Variants in LGALS3 observed in about 807,000 individuals in gnomAD.
LGALS3 encodes galectin 3, also known as galectin-3.
Under a neutral mutation model 20.7 loss-of-function variants are expected in LGALS3, and 18 were observed. The observed-to-expected ratio is 0.87, with a 90% confidence interval of 0.60 to 1.29. LGALS3 has a LOEUF of 1.29. Among genes scored for constraint, LGALS3 ranks in the 50% most tolerant of loss-of-function variants. The pLI, the probability that LGALS3 is intolerant of heterozygous loss-of-function variation, is 0.00. For synonymous variants in LGALS3, 112 were observed against 119.6 expected (o/e 0.94, Z 0.42); for missense variants, 315 against 314.7 (o/e 1.00, Z -0.01).
intron 3 of LGALS3, among the ~76,000 whole-genome samples, chr14:55,139,012 G>A (rs1451635124): frequency 1.3e-5 from 2 of 152,186 alleles, no homozygotes; most frequent in Non-Finnish European, 2.9e-5. Flanking sequence ...TATGAGGAAA[G>A]AGCTAAGTAC....
At position 55,137,771 on chromosome 14, in the gene LGALS3, C is replaced by T. The variant is rs1242689990; in HGVS notation, c.19-274C>T. 39 of 1,310,260 alleles carry T rather than the reference C, an allele frequency of 3.0e-5. No individual in the cohort carries two copies. In the East Asian group the frequency reaches 8.1e-4, roughly 27 times the overall value. 81.2% of individuals were successfully genotyped at this position (1,310,260 alleles called of 1,614,324 possible). ...AAAGTATGTGCTATAAGTAGAGGAG[C>T]GCTAACTCCTGACTTGAGCTAATTA... On this transcript the variant is annotated intron_variant, in intron 2 of 5. Coordinates refer to ENST00000254301, the MANE Select transcript of LGALS3 (RefSeq NM_002306.4).
intron 4 of LGALS3, among the ~76,000 whole-genome samples, chr14:55,141,846 GAAT>G (rs1420797306): frequency 7.9e-5 from 12 of 152,194 alleles, no homozygotes; most frequent in Admixed American, 2.6e-4. Context: ...ATTAAAATAC[GAAT>G]ACCTACTGAT....
intron 5 of LGALS3, 139 bp from the exon 6 acceptor site, chr14:55,144,977 T>G: frequency 1.5e-6 from 1 of 673,042 alleles, no homozygotes; most frequent in South Asian, 1.9e-5. Flanking sequence ...TTGAAATTAA[T>G]GGACATTTTT....
intron 1 of LGALS3, among the ~76,000 whole-genome samples, chr14:55,132,217 T>C (rs1277389550): frequency 6.6e-6 from 1 of 152,212 alleles, no homozygotes; most frequent in Non-Finnish European, 1.5e-5. Flanking sequence ...TTCCTTATTC[T>C]GAAGCTACAC....
In LGALS3 at chr14:55,145,305, T is replaced by A; in HGVS notation, c.*34T>A. ...GGGCAGATTAAAAAAAAAAAAAGAATCTAAACCTTACATGTGTAAAGGTTT... is the reference window on the plus strand; with the variant it reads ...GGGCAGATTAAAAAAAAAAAAAGAAACTAAACCTTACATGTGTAAAGGTTT... On this transcript the variant is annotated 3_prime_UTR_variant, in exon 6 of 6. Transcript: ENST00000254301. The A allele has an allele frequency of 6.3e-7, 1 of 1,590,022 alleles. No individual in the cohort carries two copies. Among genetic ancestry groups the A allele is most frequent in the Non-Finnish European group, 8.6e-7 (1 of 1,161,152 alleles).
chr14:55,144,887 G>C (rs1298874594), intron 5 of LGALS3, among the ~76,000 whole-genome samples: 1 of 152,206 alleles, frequency 6.6e-6, no homozygotes, highest in East Asian at 1.9e-4. Context: ...TTGCTGTAAA[G>C]TTACTTTCTC....
intron 5 of LGALS3, among the ~76,000 whole-genome samples, chr14:55,144,126 G>A (rs896687817): frequency 6.6e-6 from 1 of 152,132 alleles, no homozygotes; most frequent in African/African-American, 2.4e-5. Context: ...TCTTTTAGGT[G>A]TTTTAGACCA....
chr14:55,139,359 A>AG (rs749050913), intron 3 of LGALS3, among the ~76,000 whole-genome samples: 64 of 152,250 alleles, frequency 4.2e-4, no homozygotes, highest in Admixed American at 8.5e-4. Flanking sequence ...CTGATGGGGG[A>AG]GGGGGTAGGG....
rs191959187 is a variant in LGALS3 at position 55,144,600 on chromosome 14, T to G, written c.598-516T>G. On this transcript the variant is annotated intron_variant, in intron 5 of 5. Coordinates refer to ENST00000254301, the MANE Select transcript of LGALS3 (RefSeq NM_002306.4). The stretch of plus-strand genomic sequence containing the variant: ...TTTTTTTGAGACGGAGTCTCACTCT[T>G]TCGCCCAGGCTGGAGTGCAGTGGCA... Among the ~76,000 whole-genome samples the G allele has an allele frequency of 3.0e-4, 46 of 152,226 alleles. No homozygotes were observed. The East Asian group carries it at 8.7e-3, about 29-fold the overall frequency.
At position 55,138,239 on chromosome 14, in the gene LGALS3, C is replaced by T. The variant is rs61735588; in HGVS notation, c.213C>T (p.Pro71=). 28 of 1,612,652 alleles carry T rather than the reference C, an allele frequency of 1.7e-5. No individual in the cohort carries two copies. Among genetic ancestry groups the T allele is most frequent in the African/African-American group, 1.6e-4 (12 of 75,004 alleles). ...GAYPGAPGAY[P]GAPAPGVYPG... is the part of the protein sequence containing the mutation. ...ACCCTGGAGCACCTGGAGCTTATCC[C>T]GGAGCACCTGCACCTGGAGTCTACC... The change falls in exon 3 of 6, where the codon CCC becomes CCT. Residue 71 remains proline, a synonymous_variant. Transcript: ENST00000254301.
chr14:55,145,107 C>T lies in LGALS3; in HGVS notation c.598-9C>T, dbSNP rs559258237. 6.2e-7 allele frequency: 1 copy of T among 1,609,022 alleles called. No individual in the cohort carries two copies. Among genetic ancestry groups the T allele is most frequent in the Non-Finnish European group, 8.5e-7 (1 of 1,175,854 alleles). ...CCTCATGTAACAGTTTATGTATATG[C>T]CATTTCAGATACAAGTACTGGTTGA... is the stretch of plus-strand genomic sequence containing the variant. On this transcript the variant is annotated splice_polypyrimidine_tract_variant and intron_variant, in intron 5 of 5. Transcript: ENST00000254301.
At chr14:55,141,901 T>C (rs1025945260) in intron 4 of LGALS3, among the ~76,000 whole-genome samples, 2 of 152,168 alleles carry the variant, frequency 1.3e-5, no homozygotes, top group Non-Finnish European at 2.9e-5. Flanking sequence ...TTTGAGAAAC[T>C]CAGGGATGGG....
Position 55,138,274 on chromosome 14 carries a change from C to T in LGALS3, c.248C>T (p.Pro83Leu). Residue 83 changes from proline to leucine, a missense_variant, in exon 3 of 6, where the codon CCC (proline) becomes CTC (leucine). Coordinates refer to ENST00000254301, the MANE Select transcript of LGALS3 (RefSeq NM_002306.4). ...GCACCTGGAGTCTACCCAGGGCCAC[C>T]CAGCGGCCCTGGGGCCTACCCATCT... The part of the protein sequence containing the change: ...APAPGVYPGP[P>L]SGPGAYPSSG... 3 of 1,612,724 alleles carry T rather than the reference C, an allele frequency of 1.9e-6. No homozygotes were observed. Among genetic ancestry groups the T allele is most frequent in the Non-Finnish European group, 2.5e-6 (3 of 1,179,656 alleles).
In LGALS3 at chr14:55,142,711, C is replaced by A. The variant is rs560920584; in HGVS notation, c.559C>A (p.Gln187Lys). The A allele has an allele frequency of 6.2e-7, 1 of 1,613,786 alleles. No individual in the cohort carries two copies. Among genetic ancestry groups the A allele is most frequent in the South Asian group, 1.1e-5 (1 of 91,066 alleles). ...TAATAACTGGGGAAGGGAAGAAAGACAGTCGGTTTTCCCATTTGAAAGTGG... is the reference window on the plus strand; with the variant it reads ...TAATAACTGGGGAAGGGAAGAAAGAAAGTCGGTTTTCCCATTTGAAAGTGG... ...LDNNWGREERQSVFPFESGKP... is the reference protein window; with the variant it reads ...LDNNWGREERKSVFPFESGKP... The change falls in exon 5 of 6, where the codon CAG becomes AAG. Residue 187 changes from glutamine (Q) to lysine (K), a missense_variant. Gln to Lys is a moderately conservative substitution (Grantham distance 53, BLOSUM62 1). Transcript: ENST00000254301.
chr14:55,137,893 C>G (rs1881460670), intron 2 of LGALS3, 152 bp from the exon 3 acceptor site: 5 of 1,323,000 alleles, frequency 3.8e-6, no homozygotes, highest in Non-Finnish European at 1.9e-6. Flanking sequence ...CTTAGAAACT[C>G]AAACTATTAA....
At position 55,140,258 on chromosome 14, in the gene LGALS3, T is replaced by A; in HGVS notation, c.343-17T>A. ...ACATGACTCCTTATTGACACATATGTACTTGTTAATTCCCAGATTGTGCCT... is the reference window on the plus strand; with the variant it reads ...ACATGACTCCTTATTGACACATATGAACTTGTTAATTCCCAGATTGTGCCT... On this transcript the variant is annotated splice_polypyrimidine_tract_variant and intron_variant, in intron 3 of 5. Coordinates refer to ENST00000254301, the MANE Select transcript of LGALS3 (RefSeq NM_002306.4). 1 of 1,545,342 alleles carries A rather than the reference T, an allele frequency of 6.5e-7. No individual in the cohort carries two copies. Among genetic ancestry groups the A allele is most frequent in the Non-Finnish European group, 8.9e-7 (1 of 1,118,356 alleles).
intron 1 of LGALS3, among the ~76,000 whole-genome samples, chr14:55,135,246 C>T (rs1041547499): frequency 2.6e-5 from 4 of 152,088 alleles, no homozygotes; most frequent in South Asian, 2.1e-4. Context: ...ATGAGCATCC[C>T]CAATGCAGAA....
chr14:55,132,821 C>T (rs1881271243), intron 1 of LGALS3, among the ~76,000 whole-genome samples: 1 of 152,190 alleles, frequency 6.6e-6, no homozygotes, highest in Admixed American at 6.5e-5. Context: ...CCTGCCTTCG[C>T]CTCCCAAAGT....
Position 55,142,745 on chromosome 14 carries a change from T to C in LGALS3, c.593T>C (p.Phe198Ser). The C allele has an allele frequency of 7.5e-6, 12 of 1,610,418 alleles. No individual in the cohort carries two copies. The Admixed American group carries it at 2.0e-4, about 27-fold the overall frequency. Residue 198 changes from phenylalanine to serine, a missense_variant, in exon 5 of 6, where the codon TTC becomes TCC. Physicochemically the swap from Phe to Ser is radical, Grantham distance 155 (BLOSUM62 -2). Transcript: ENST00000254301. ...SVFPFESGKP[F>S]KIQVLVEPDH... Reference sequence around the variant, plus strand: ...TTCCCATTTGAAAGTGGGAAACCATTCAAAGTAAGTTATTGCTACTATTAT... The same window carrying C: ...TTCCCATTTGAAAGTGGGAAACCATCCAAAGTAAGTTATTGCTACTATTAT...
Sources: gnomAD v4.1 joint callset for allele counts (sites outside exome capture counted in the v4.1 genomes callset) on GRCh38, gnomAD v4.1.1 for gene constraint, MANE v1.5 for transcripts, NCBI Gene and HGNC (gene_info 2026-07-23, HGNC 2026-07-21) for gene names.